The following CSRP1 variants were observed in gnomAD, a reference collection of about 807,000 sequenced individuals.
CSRP1 encodes the protein cysteine and glycine-rich protein 1.
A neutral mutation model predicts 25.4 loss-of-function variants in CSRP1; 16 were observed. The observed-to-expected ratio is 0.63, with a 90% CI of 0.43 to 0.96. CSRP1 has a LOEUF of 0.96. Among genes scored for constraint, CSRP1 ranks in the 40% least tolerant of loss-of-function variants. CSRP1 has a pLI of 0.00. For missense variants in CSRP1, 212 were observed against 243.6 expected, an observed-to-expected ratio of 0.87 and a Z score of 0.86; for synonymous variants, 97 against 95.3, an observed-to-expected ratio of 1.02 and a Z score of -0.10.
chr1:201,490,365 C>G (rs774433304), intron 2 of CSRP1, 21 bp from the exon 3 acceptor site: 2 of 1,610,320 alleles, frequency 1.2e-6, no homozygotes, highest in Non-Finnish European at 1.7e-6. Context: ...GAAGGGGAAG[C>G]GGACGCATTG....
intron 2 of CSRP1, among the ~76,000 whole-genome samples, chr1:201,494,905 G>A (rs957227014): frequency 6.6e-6 from 1 of 152,220 alleles, no homozygotes; most frequent in Non-Finnish European, 1.5e-5. Flanking sequence ...ATCATTTTAA[G>A]TGCTTTGTCT....
chr1:201,485,801 A>C, intron 4 of CSRP1: 1 of 168,164 alleles, frequency 5.9e-6, no homozygotes, highest in East Asian at 1.6e-4. Context: ...CACCAGAAAG[A>C]CCTCTCTGCC....
rs1386765780 is a variant in CSRP1, at chr1:201,500,211, G to A, written c.-1-3907C>T. Among the ~76,000 whole-genome samples the A allele has an allele frequency of 7.9e-5, 12 of 152,170 alleles. 1 individual carries two copies. Among genetic ancestry groups the A allele is most frequent in the Admixed American group, 7.9e-4 (12 of 15,280 alleles). ...CTTTTCCAACCCCCTGAACCAGCAG[G>A]GGACATACTCAGGCCCCTAGGAACA... On this transcript the variant is annotated intron_variant, in intron 1 of 5. Transcript: ENST00000340006.
rs897829415 is a variant in CSRP1 at position 201,494,349 on chromosome 1, C to A, written c.112+1843G>T. Among the ~76,000 whole-genome samples the A allele has an allele frequency of 3.9e-5, 6 of 152,286 alleles. No individual in the cohort carries two copies. The East Asian group carries it at 1.2e-3, about 29-fold the overall frequency. ...GAGGGGCCCTTAGGACCCCAGCAGC[C>A]TAGACCCCCTTCCCAGCCAGCACCA... On this transcript the variant is annotated intron_variant, in intron 2 of 5. Coordinates refer to ENST00000340006, the MANE Select transcript of CSRP1 (RefSeq NM_004078.3).
In CSRP1 at chr1:201,488,794, G is replaced by A; in HGVS notation, c.411+61C>T. The A allele has an allele frequency of 1.9e-6, 3 of 1,592,530 alleles. No homozygotes were observed. The South Asian group carries it at 3.4e-5, about 18-fold the overall frequency. On this transcript the variant is annotated intron_variant, in intron 4 of 5. Transcript: ENST00000340006. ...GCTAGGTCACCAATTTAAAAGTTCT[G>A]GAATCCACATTTCAGGAAGATATCT...
At chr1:201,486,647 C>T in intron 4 of CSRP1, 4 of 1,037,492 alleles carry the variant, frequency 3.9e-6, no homozygotes, top group Non-Finnish European at 4.6e-6. Flanking sequence ...CACACCTAGA[C>T]CAACACCTCT....
At chr1:201,487,617 T>G (rs1291914110) in intron 4 of CSRP1, 1 of 152,228 alleles carries the variant, frequency 6.6e-6, no homozygotes, top group African/African-American at 2.4e-5. Flanking sequence ...AAGCTCTTAA[T>G]CACCGTGCTA....
At position 201,485,377 on chromosome 1, in the gene CSRP1, C is replaced by G. The variant is rs1393157255; in HGVS notation, c.412-1G>C. 6.2e-7 allele frequency: 1 copy of G among 1,614,084 alleles called. No individual in the cohort carries two copies. Among genetic ancestry groups the G allele is most frequent in the South Asian group, 1.1e-5 (1 of 91,078 alleles). ...ATCGAAAGCAGGCCTTATGCCAGGA[C>G]TAGGCAGGGAAGGAAATAGTTAATG... On this transcript the variant is annotated splice_acceptor_variant, in intron 4 of 5. Transcript: ENST00000340006. LOFTEE classifies it high-confidence loss of function.
intron 3 of CSRP1, 62 bp downstream of exon 3, chr1:201,490,114 G>A: frequency 6.5e-7 from 1 of 1,527,690 alleles, no homozygotes; most frequent in East Asian, 2.3e-5. Flanking sequence ...ATACACATGA[G>A]GCCTAATACA....
intron 5 of CSRP1, 60 bp from the exon 6 acceptor site, chr1:201,484,849 A>G: frequency 6.9e-7 from 1 of 1,452,126 alleles, no homozygotes; most frequent in African/African-American, 1.4e-5. Context: ...CACACCACCC[A>G]CCCTCCTGCT....
chr1:201,489,263 C>T (rs1156857412), intron 3 of CSRP1: 3 of 284,318 alleles, frequency 1.1e-5, no homozygotes, highest in Non-Finnish European at 2.0e-5. Context: ...AATTGCCCTC[C>T]TCTGCCCCTC....
chr1:201,505,750 GTC>G (rs746812287), intron 1 of CSRP1, among the ~76,000 whole-genome samples: 17 of 152,270 alleles, frequency 1.1e-4, no homozygotes, highest in Non-Finnish European at 2.5e-4. Flanking sequence ...GCTGAGGACA[GTC>G]TCTCTCAAAA....
chr1:201,496,041 G>C (rs1664500391), intron 2 of CSRP1, 151 bp downstream of exon 2: 1 of 635,426 alleles, frequency 1.6e-6, no homozygotes, highest in Non-Finnish European at 2.8e-6. Context: ...AGGCCCTGAA[G>C]TGTTTCCCTG....
chr1:201,495,416 C>T (rs1664480050), intron 2 of CSRP1, among the ~76,000 whole-genome samples: 1 of 152,190 alleles, frequency 6.6e-6, no homozygotes, highest in Admixed American at 6.5e-5. Context: ...GTTGCCTCTT[C>T]TTCTAACCCA....
chr1:201,485,925 C>T (rs980937880), intron 4 of CSRP1: 2 of 152,658 alleles, frequency 1.3e-5, no homozygotes, highest in Non-Finnish European at 2.9e-5. Context: ...GACTTATTCT[C>T]CTTCCAAAGT....
chr1:201,502,164 T>C (rs1557977202), intron 1 of CSRP1, among the ~76,000 whole-genome samples: 1 of 152,132 alleles, frequency 6.6e-6, no homozygotes, highest in Non-Finnish European at 1.5e-5. Context: ...ATTTCTACAG[T>C]GGAAAAATCC....
intron 1 of CSRP1, among the ~76,000 whole-genome samples, chr1:201,496,724 G>A (rs779237157): frequency 6.6e-6 from 1 of 152,246 alleles, no homozygotes; most frequent in Non-Finnish European, 1.5e-5. Context: ...AAGTCCATTT[G>A]TAGGAAATTC....
chr1:201,505,692 G>A (rs1312602594), intron 1 of CSRP1, among the ~76,000 whole-genome samples: 1 of 152,232 alleles, frequency 6.6e-6, no homozygotes, highest in Non-Finnish European at 1.5e-5. Context: ...GCAGGAGGAG[G>A]CTGGATTTAG....
In CSRP1 at chr1:201,484,600, T is replaced by G; in HGVS notation, c.*113A>C. ...CAGATGCCCAAGTTCAAGTCATTAG[T>G]GATATGTGGCAGGGCTGACAGAGAA... On this transcript the variant is annotated 3_prime_UTR_variant, in exon 6 of 6. Coordinates refer to ENST00000340006, the MANE Select transcript of CSRP1 (RefSeq NM_004078.3). The G allele has an allele frequency of 9.8e-7, 1 of 1,020,134 alleles. No individual in the cohort carries two copies. 63.2% of individuals were successfully genotyped at this position (1,020,134 alleles called of 1,614,324 possible).
Sources: allele counts gnomAD v4.1 joint callset (sites outside exome capture counted in the v4.1 genomes callset), GRCh38; gene constraint gnomAD v4.1.1; transcripts MANE v1.5; gene names NCBI Gene and HGNC (gene_info 2026-07-23, HGNC 2026-07-21).